GLRA3: variants seen among roughly 807,000 people sequenced by gnomAD.
GLRA3 encodes the protein glycine receptor alpha 3.
A neutral mutation model predicts 60.4 loss-of-function variants in GLRA3; 44 were observed. The observed-to-expected ratio is 0.73, with a 90% confidence interval of 0.57 to 0.94. GLRA3 has a LOEUF of 0.94. Among genes scored for constraint, GLRA3 ranks in the 40% least tolerant of loss-of-function variants. The pLI, the probability that GLRA3 is intolerant of heterozygous loss-of-function variation, is 0.00. For synonymous variants in GLRA3, 223 were observed against 192.9 expected (o/e 1.16, Z -1.29); for missense variants, 508 against 564.6 (o/e 0.90, Z 1.02).
At chr4:174,737,304 C>T (rs1736838021) in intron 3 of GLRA3, among the ~76,000 whole-genome samples, 1 of 152,158 alleles carries the variant, frequency 6.6e-6, no homozygotes, top group South Asian at 2.1e-4. Context: ...GTTCACACTT[C>T]CCTTCACAGT....
intron 5 of GLRA3, among the ~76,000 whole-genome samples, chr4:174,687,714 T>C (rs1734598486): frequency 6.6e-6 from 1 of 152,174 alleles, no homozygotes. Context: ...ACTTAAGAGA[T>C]TTTTTGATGG....
chr4:174,687,754 C>T (rs4695784), intron 5 of GLRA3, among the ~76,000 whole-genome samples: 64,224 of 151,876 alleles, frequency 0.42, 14,115 homozygotes, highest in Middle Eastern at 0.54. Flanking sequence ...AAATGTGATA[C>T]TTTGATATGT....
chr4:174,797,043 A>G (rs892117906), intron 1 of GLRA3, among the ~76,000 whole-genome samples: 1 of 152,204 alleles, frequency 6.6e-6, no homozygotes, highest in Non-Finnish European at 1.5e-5. Context: ...GGCTCCATAT[A>G]ACCAATTTGG....
intron 5 of GLRA3, 81 bp from the exon 6 acceptor site, chr4:174,683,020 T>C: frequency 4.4e-6 from 5 of 1,130,384 alleles, no homozygotes; most frequent in Non-Finnish European, 6.6e-6. Flanking sequence ...TATAGTCACA[T>C]AGGATGAGAA....
At chr4:174,730,044 C>T (rs937103491) in intron 3 of GLRA3, among the ~76,000 whole-genome samples, 1 of 152,138 alleles carries the variant, frequency 6.6e-6, no homozygotes, top group Non-Finnish European at 1.5e-5. Context: ...AGGTTACACA[C>T]CAGAAAATAT....
chr4:174,694,644 A>T (rs1487270003), intron 5 of GLRA3, among the ~76,000 whole-genome samples: 4 of 152,210 alleles, frequency 2.6e-5, no homozygotes, highest in African/African-American at 9.6e-5. Flanking sequence ...GAAAGATCTC[A>T]AATTAACAGC....
intron 7 of GLRA3, among the ~76,000 whole-genome samples, chr4:174,662,598 A>G (rs1733494612): frequency 1.3e-5 from 2 of 152,100 alleles, no homozygotes; most frequent in African/African-American, 4.8e-5. Flanking sequence ...GGGAATTTTG[A>G]ACAGATTTAG....
At chr4:174,733,504 A>T (rs10013669) in intron 3 of GLRA3, among the ~76,000 whole-genome samples, 21,807 of 152,156 alleles carry the variant, frequency 0.14, 1,837 homozygotes, top group South Asian at 0.22. Context: ...AAACAAACTC[A>T]TAACCTCAGA....
At chr4:174,657,198 C>T (rs995177643) in intron 8 of GLRA3, among the ~76,000 whole-genome samples, 1 of 152,072 alleles carries the variant, frequency 6.6e-6, no homozygotes, top group Non-Finnish European at 1.5e-5. Context: ...AATAAAGAGG[C>T]ACTTTGGTAA....
At chr4:174,661,254 A>G (rs894507840) in intron 7 of GLRA3, among the ~76,000 whole-genome samples, 1 of 152,040 alleles carries the variant, frequency 6.6e-6, no homozygotes. Flanking sequence ...CTATCCATCA[A>G]ACATGAGCTT....
In GLRA3 at chr4:174,642,286, G is replaced by A; in HGVS notation, c.*1500C>T. On this transcript the variant is annotated 3_prime_UTR_variant, in exon 10 of 10. Transcript: ENST00000274093. ...GTTGAAGGGTAGAAAATAGCATCTT[G>A]TTAAAGAACTGGCTTTTCTATTGTA... is the stretch of plus-strand genomic sequence containing the variant. 1 of 948,576 alleles carries A rather than the reference G, an allele frequency of 1.1e-6. No individual in the cohort carries two copies. The highest frequency in any genetic ancestry group is 1.3e-6 in the Non-Finnish European group (1 of 796,754). The allele number at this position is 948,576 out of a possible 1,614,324, so 58.8% of individuals were successfully genotyped here. A position where few individuals can be genotyped will look rare whatever the true frequency, so the allele number is the denominator to read the frequency against.
At chr4:174,668,275 A>G (rs947537309) in intron 7 of GLRA3, among the ~76,000 whole-genome samples, 1 of 152,134 alleles carries the variant, frequency 6.6e-6, no homozygotes, top group Non-Finnish European at 1.5e-5. Context: ...AAATGGACTA[A>G]AACAAGTCCA....
rs761280535 is a variant in GLRA3, at chr4:174,643,975, G to T, written c.1206C>A (p.Gly402=). 8 of 1,613,528 alleles carry T rather than the reference G, an allele frequency of 5.0e-6. No homozygotes were observed. The highest frequency in any genetic ancestry group is 6.8e-6 in the Non-Finnish European group (8 of 1,179,644). ...GCATTACCTGGACAGGGTGGTTGGG[G>T]CCCTTTGGAGTCATGCCATCCTTTG... ...LQAKDGMTPK[G]PNHPVQVMPK... The change falls in exon 10 of 10, where the codon GGC becomes GGA. Residue 402 remains glycine, a synonymous_variant. Transcript: ENST00000274093.
intron 1 of GLRA3, among the ~76,000 whole-genome samples, chr4:174,816,929 T>G (rs982596449): frequency 6.6e-6 from 1 of 152,198 alleles, no homozygotes; most frequent in Non-Finnish European, 1.5e-5. Context: ...TAATATCATG[T>G]AAAATGGGGT....
At position 174,813,117 on chromosome 4, in the gene GLRA3, A is replaced by G. The variant is rs574405640; in HGVS notation, c.71+15624T>C. On this transcript the variant is annotated intron_variant, in intron 1 of 9. Coordinates refer to ENST00000274093, the MANE Select transcript of GLRA3 (RefSeq NM_006529.4). The stretch of plus-strand genomic sequence containing the variant: ...ACTGCCAACCTTCATGCTCATATAT[A>G]GAAGAATTTTTTAAAAGAGTCAAAT... Among the ~76,000 whole-genome samples the G allele has an allele frequency of 3.0e-4, 46 of 152,328 alleles. 1 individual carries two copies. In the South Asian group the frequency reaches 9.1e-3, roughly 30 times the overall value.
intron 3 of GLRA3, among the ~76,000 whole-genome samples, chr4:174,745,075 A>G (rs1737188948): frequency 6.6e-6 from 1 of 152,230 alleles, no homozygotes. Context: ...CAGAACTTGA[A>G]GACAGGTCTT....
At chr4:174,687,638 C>T (rs1401302208) in intron 5 of GLRA3, among the ~76,000 whole-genome samples, 2 of 152,086 alleles carry the variant, frequency 1.3e-5, no homozygotes, top group Admixed American at 6.6e-5. Flanking sequence ...AAATTTTGAA[C>T]TTTGAAGTCA....
At chr4:174,678,436 C>T (rs1192536761) in intron 6 of GLRA3, among the ~76,000 whole-genome samples, 1 of 152,116 alleles carries the variant, frequency 6.6e-6, no homozygotes, top group Non-Finnish European at 1.5e-5. Context: ...TAACATTCTG[C>T]TCTTTAAGTA....
In GLRA3 at chr4:174,801,925, G is replaced by A. The variant is rs9654312; in HGVS notation, c.72-12982C>T. 9.5e-3 allele frequency among the ~76,000 whole-genome samples: 1,450 copies of A among 151,922 alleles called. 21 individuals are homozygous for A. Among genetic ancestry groups the A allele is most frequent in the African/African-American group, 0.033 (1,352 of 41,440 alleles). ...TATATGTCTATCTGCCTCCTTTGTA[G>A]GGTCTACTATTTAAGCAAAAATTGT... On this transcript the variant is annotated intron_variant, in intron 1 of 9. Coordinates refer to ENST00000274093, the MANE Select transcript of GLRA3 (RefSeq NM_006529.4).
Sources: allele counts gnomAD v4.1 joint callset (sites outside exome capture counted in the v4.1 genomes callset), GRCh38; gene constraint gnomAD v4.1.1; transcripts MANE v1.5; gene names NCBI Gene and HGNC (gene_info 2026-07-23, HGNC 2026-07-21).